ALMS1: variants seen among roughly 807,000 people sequenced by gnomAD.
ALMS1 encodes centrosome-associated protein ALMS1.
Under a neutral mutation model 352.2 loss-of-function variants are expected in ALMS1, and 271 were observed. That is an observed-to-expected ratio of 0.77 (90% CI 0.70 to 0.85). The LOEUF (loss-of-function observed/expected upper bound fraction) is 0.85, where lower values mean the gene tolerates loss of function less well. ALMS1 is among the 40% of genes least tolerant of loss of function. ALMS1 has a pLI of 0.00. For synonymous variants in ALMS1, 1,865 were observed against 1,761.2 expected (o/e 1.06, Z -1.48); for missense variants, 5,445 against 4,870.7 (o/e 1.12, Z -3.51).
At chr2:73,560,225 T>C (rs566636853) in intron 15 of ALMS1, among the ~76,000 whole-genome samples, 6 of 152,156 alleles carry the variant, frequency 3.9e-5, no homozygotes, top group African/African-American at 7.2e-5. Context: ...ACGTAACTTA[T>C]TTTAAAATGA....
chr2:73,398,451 A>G (rs1670810468), intron 1 of ALMS1, among the ~76,000 whole-genome samples: 1 of 152,080 alleles, frequency 6.6e-6, no homozygotes, highest in East Asian at 1.9e-4. Flanking sequence ...CTCCATATAA[A>G]CTTTAGATTG....
At chr2:73,478,656 GTTTA>G (rs70965737) in intron 9 of ALMS1, among the ~76,000 whole-genome samples, 84,866 of 149,926 alleles carry the variant, frequency 0.57, 25,283 homozygotes, top group East Asian at 0.77. Context: ...TAATTTATTC[GTTTA>G]TTTATTTATT....
intron 9 of ALMS1, among the ~76,000 whole-genome samples, chr2:73,480,233 C>T (rs1013972760): frequency 6.6e-6 from 1 of 152,034 alleles, no homozygotes; most frequent in African/African-American, 2.4e-5. Context: ...CCACTCCCCC[C>T]ACCCCACCAC....
At chr2:73,386,616 A>G (rs982416362) in intron 1 of ALMS1, among the ~76,000 whole-genome samples, 4 of 152,074 alleles carry the variant, frequency 2.6e-5, no homozygotes, top group Non-Finnish European at 5.9e-5. Context: ...TGAGGGAGTA[A>G]TGTGGATAAT....
intron 9 of ALMS1, among the ~76,000 whole-genome samples, chr2:73,488,710 C>T (rs1157771872): frequency 2.0e-5 from 3 of 152,174 alleles, no homozygotes; most frequent in Non-Finnish European, 2.9e-5. Context: ...TACTCCATCA[C>T]CTGGGGAGAT....
At chr2:73,549,144 G>A (rs1674378473) in intron 12 of ALMS1, among the ~76,000 whole-genome samples, 1 of 152,180 alleles carries the variant, frequency 6.6e-6, no homozygotes, top group African/African-American at 2.4e-5. Context: ...TCATCTCATA[G>A]GAGATTAGTA....
intron 16 of ALMS1, among the ~76,000 whole-genome samples, chr2:73,580,756 GTTTA>G (rs1006293006): frequency 2.0e-5 from 3 of 152,120 alleles, no homozygotes; most frequent in Middle Eastern, 3.2e-3. Flanking sequence ...AAAGTTGTTG[GTTTA>G]TTTAGTGACT....
chr2:73,408,662 A>G lies in ALMS1; in HGVS notation c.365A>G (p.Tyr122Cys), dbSNP rs757838184. ...TGTCATGTATGGCAACAGATAGTATATCAAGGCAATAGTAGAACACAAATT... is the reference window on the plus strand; with the variant it reads ...TGTCATGTATGGCAACAGATAGTATGTCAAGGCAATAGTAGAACACAAATT... Reference protein sequence around the residue: ...LTCHVWQQIVYQGNSRTQISD... With the variant: ...LTCHVWQQIVCQGNSRTQISD... The change falls in exon 2 of 23, where the codon TAT (tyrosine) becomes TGT (cysteine). Residue 122 changes from tyrosine (Y) to cysteine (C), a missense_variant. Coordinates refer to ENST00000613296, the MANE Select transcript of ALMS1 (RefSeq NM_001378454.1). The G allele has an allele frequency of 2.0e-5, 32 of 1,613,446 alleles. No homozygotes were observed. Among genetic ancestry groups the G allele is most frequent in the Non-Finnish European group, 2.6e-5 (31 of 1,179,690 alleles).
intron 20 of ALMS1, 64 bp from the exon 21 acceptor site, chr2:73,603,177 C>T: frequency 6.6e-7 from 1 of 1,524,370 alleles, no homozygotes; most frequent in South Asian, 1.1e-5. Context: ...CCTCTCCCAG[C>T]TCTTGCACCA....
intron 1 of ALMS1, among the ~76,000 whole-genome samples, chr2:73,392,027 A>G (rs989540066): frequency 1.3e-5 from 2 of 151,660 alleles, no homozygotes; most frequent in African/African-American, 2.4e-5. Flanking sequence ...AGTATTCTTT[A>G]TTTTTTCATT....
intron 8 of ALMS1, chr2:73,454,301 G>T (rs1009522099): frequency 8.2e-6 from 8 of 979,528 alleles, no homozygotes; most frequent in South Asian, 4.7e-5. Flanking sequence ...TTAAGTTACA[G>T]TATTAATAGT....
chr2:73,492,450 A>G (rs1282144300), intron 10 of ALMS1, among the ~76,000 whole-genome samples: 1 of 152,202 alleles, frequency 6.6e-6, no homozygotes, highest in Non-Finnish European at 1.5e-5. Context: ...GTTTGTGGGC[A>G]AGAGAAAGAG....
chr2:73,576,363 C>A (rs1010369889), intron 16 of ALMS1, among the ~76,000 whole-genome samples: 2 of 152,014 alleles, frequency 1.3e-5, no homozygotes, highest in African/African-American at 4.8e-5. Flanking sequence ...TGTGCAATTT[C>A]TTTCTTAATT....
intron 7 of ALMS1, among the ~76,000 whole-genome samples, chr2:73,436,529 C>A (rs1671607537): frequency 2.0e-5 from 3 of 152,134 alleles, no homozygotes; most frequent in African/African-American, 7.2e-5. Flanking sequence ...TATATCAGCA[C>A]CCCTAATCTT....
Position 73,489,751 on chromosome 2 carries a change from G to T in ALMS1, c.7792G>T (p.Asp2598Tyr), listed in dbSNP as rs777914637. 61 of 1,614,022 alleles carry T rather than the reference G, an allele frequency of 3.8e-5. No homozygotes were observed. Among genetic ancestry groups the T allele is most frequent in the Non-Finnish European group, 5.0e-5 (59 of 1,180,048 alleles). The change falls in exon 10 of 23, where the codon GAT (aspartate) becomes TAT (tyrosine). Residue 2598 changes from aspartate (D) to tyrosine (Y), a missense_variant. Coordinates refer to ENST00000613296, the MANE Select transcript of ALMS1 (RefSeq NM_001378454.1). ...RTLTSEHPQL[D>Y]RHPCAFRSAG... ...TCTAACTTCTGAACATCCACAACTAGATAGACACCCTTGTGCTTTCAGATC... is the reference window on the plus strand; with the variant it reads ...TCTAACTTCTGAACATCCACAACTATATAGACACCCTTGTGCTTTCAGATC...
At chr2:73,447,095 A>G (rs1160725569) in intron 7 of ALMS1, among the ~76,000 whole-genome samples, 2 of 152,176 alleles carry the variant, frequency 1.3e-5, no homozygotes, top group Admixed American at 1.3e-4. Context: ...CCTGGAACAT[A>G]GTAAGCATTC....
chr2:73,514,608 G>C (rs185829024), intron 10 of ALMS1, among the ~76,000 whole-genome samples: 9 of 152,198 alleles, frequency 5.9e-5, no homozygotes. Context: ...ATACACAAGA[G>C]TGTATGTATG....
intron 1 of ALMS1, among the ~76,000 whole-genome samples, chr2:73,397,492 T>C (rs1670787305): frequency 6.6e-6 from 1 of 152,006 alleles, no homozygotes; most frequent in African/African-American, 2.4e-5. Flanking sequence ...TTTGAGATGG[T>C]GTTTCGCTCT....
chr2:73,403,503 T>C (rs1182605656), intron 1 of ALMS1, among the ~76,000 whole-genome samples: 1 of 152,208 alleles, frequency 6.6e-6, no homozygotes, highest in East Asian at 1.9e-4. Context: ...AGAATTACTT[T>C]GGCTCTTTAG....
Sources: allele counts gnomAD v4.1 joint callset (sites outside exome capture counted in the v4.1 genomes callset), GRCh38; gene constraint gnomAD v4.1.1; transcripts MANE v1.5; gene names NCBI Gene and HGNC (gene_info 2026-07-23, HGNC 2026-07-21).